The following KDM2B variants were observed in gnomAD, a reference collection of about 807,000 sequenced individuals.
KDM2B encodes lysine demethylase 2B.
In KDM2B, 26 loss-of-function variants were observed where a neutral mutation model predicts 150.0. The observed-to-expected ratio is 0.17, with a 90% CI of 0.13 to 0.24. The LOEUF is 0.24. Among genes scored for constraint, KDM2B ranks in the 10% least tolerant of loss-of-function variants. KDM2B has a pLI of 1.00. For synonymous variants in KDM2B, 734 were observed against 729.5 expected (o/e 1.01, Z -0.10); for missense variants, 1,265 against 1,816.9 (o/e 0.70, Z 5.52).
chr12:121,454,953 T>C (rs1555292437), intron 12 of KDM2B, among the ~76,000 whole-genome samples: 3 of 152,114 alleles, frequency 2.0e-5, no homozygotes, highest in African/African-American at 7.2e-5. Flanking sequence ...TCCAACTGCA[T>C]AGGAAGAAAA....
At chr12:121,415,632 TTAAA>T in the KDM2B span, among the ~76,000 whole-genome samples, 96 of 152,104 alleles carry the variant, frequency 6.3e-4, no homozygotes, top group Middle Eastern at 0.017. Context: ...TAAATTTATT[TTAAA>T]TAAATAAATA....
At chr12:121,479,560 C>A (rs1409996625) in intron 12 of KDM2B, among the ~76,000 whole-genome samples, 2 of 151,820 alleles carry the variant, frequency 1.3e-5, no homozygotes, top group Non-Finnish European at 2.9e-5. Context: ...CCCAGAAGTT[C>A]GAGGCTGCAG....
intron 4 of KDM2B, among the ~76,000 whole-genome samples, chr12:121,560,584 T>G (rs1200109973): frequency 1.3e-5 from 2 of 151,596 alleles, no homozygotes; most frequent in Admixed American, 1.3e-4. Flanking sequence ...GCACTGAGTT[T>G]CAGTTCCTGA....
chr12:121,524,662 G>C (rs1555306473), intron 8 of KDM2B: 1 of 450,902 alleles, frequency 2.2e-6, no homozygotes, highest in African/African-American at 2.0e-5. Flanking sequence ...AGCGTTTGTG[G>C]GCCCCATCCA....
intron 8 of KDM2B, among the ~76,000 whole-genome samples, chr12:121,529,263 A>C (rs1887424312): frequency 6.6e-6 from 1 of 152,196 alleles, no homozygotes; most frequent in South Asian, 2.1e-4. Flanking sequence ...CAGAAAAAGC[A>C]TTTGACAAAA....
Position 121,476,722 on chromosome 12 carries a change from C to T in KDM2B, c.1734+17857G>A, listed in dbSNP as rs541225527. Among the ~76,000 whole-genome samples, 23 of 152,242 alleles carry T rather than the reference C, an allele frequency of 1.5e-4. No homozygotes were observed. The South Asian group carries it at 4.6e-3, about 30-fold the overall frequency. On this transcript the variant is annotated intron_variant, in intron 12 of 22. Transcript: ENST00000377071. ...AATACATATGGCTTTTCTCTCCCTC[C>T]TTCCTTCCCTCCCTCCTCCCTTTCC...
In KDM2B at chr12:121,557,300, C is replaced by T. The variant is rs142977351; in HGVS notation, c.398-7662G>A. Among the ~76,000 whole-genome samples, 1,164 of 137,452 alleles carry T rather than the reference C, an allele frequency of 8.5e-3. 15 individuals carry two copies. The highest frequency in any genetic ancestry group is 0.03 in the African/African-American group (1,081 of 36,294). 90.2% of individuals were successfully genotyped at this position (137,452 alleles called of 152,430 possible). A position where few individuals can be genotyped will look rare whatever the true frequency, so the allele number is the denominator to read the frequency against. ...TTCCCCAGGATGGAGTTCAGTGGTA[C>T]AATCTCAGCTCATTGCAACCTCTGC... On this transcript the variant is annotated intron_variant, in intron 4 of 22. Coordinates refer to ENST00000377071, the MANE Select transcript of KDM2B (RefSeq NM_032590.5).
At chr12:121,440,421 T>G (rs1593735848) in intron 21 of KDM2B, 2 of 402,336 alleles carry the variant, frequency 5.0e-6, no homozygotes, top group Admixed American at 3.9e-5. Context: ...CAGGGGGAGG[T>G]GCCATCCTGG....
chr12:121,500,750 T>C (rs1884461309), intron 11 of KDM2B, among the ~76,000 whole-genome samples: 1 of 152,124 alleles, frequency 6.6e-6, no homozygotes. Context: ...CCTCCCTCCA[T>C]CCCAGCCCCA....
the KDM2B span, among the ~76,000 whole-genome samples, chr12:121,412,015 C>G: frequency 6.6e-6 from 1 of 152,168 alleles, no homozygotes; most frequent in Non-Finnish European, 1.5e-5. Flanking sequence ...AGTGCATACT[C>G]TAAAGAACTG....
At chr12:121,516,594 C>A in intron 9 of KDM2B, 1 of 1,250,870 alleles carries the variant, frequency 8.0e-7, no homozygotes. Flanking sequence ...TTGAGTTAAC[C>A]AACGTCAGTC....
chr12:121,490,097 C>G (rs1555299636), intron 12 of KDM2B, among the ~76,000 whole-genome samples: 2 of 152,204 alleles, frequency 1.3e-5, no homozygotes, highest in Admixed American at 1.3e-4. Flanking sequence ...GGCTGTGTGT[C>G]ACTCCGGAGG....
At chr12:121,420,824 C>A in the KDM2B span, 1 of 1,423,922 alleles carries the variant, frequency 7.0e-7, no homozygotes, top group Non-Finnish European at 9.9e-7. Flanking sequence ...TTTCCTTAGG[C>A]TTTTAAAAAC....
intron 4 of KDM2B, among the ~76,000 whole-genome samples, chr12:121,558,203 G>A (rs1015916050): frequency 6.6e-6 from 1 of 152,164 alleles, no homozygotes; most frequent in Non-Finnish European, 1.5e-5. Flanking sequence ...ACTCTTTGTC[G>A]CATGAGGAAT....
chr12:121,475,331 G>A (rs1372167284), intron 12 of KDM2B, among the ~76,000 whole-genome samples: 6 of 151,946 alleles, frequency 3.9e-5, no homozygotes, highest in African/African-American at 1.5e-4. Context: ...GCTCATACCC[G>A]TAATGCCAAC....
Position 121,430,186 on chromosome 12 carries a change from TG to T in KDM2B, c.*101del, listed in dbSNP as rs1555285127. The T allele has an allele frequency of 6.2e-7, 1 of 1,614,218 alleles. No homozygotes were observed. The highest frequency in any genetic ancestry group is 1.1e-5 in the South Asian group (1 of 91,086). On this transcript the variant is annotated 3_prime_UTR_variant, in exon 23 of 23. Transcript: ENST00000377071. The surrounding 1 kb of genome is among the most constrained non-coding windows in gnomAD (Gnocchi z 4.4). ...AGACTTGCAAAATGGAATTGCGTTG[TG>T]GTCTGTTGTCCCACGTTCCAAATGG...
chr12:121,497,836 G>A (rs904424644), intron 11 of KDM2B, among the ~76,000 whole-genome samples: 6 of 151,444 alleles, frequency 4.0e-5, no homozygotes, highest in African/African-American at 7.3e-5. Context: ...GGTGGCTCAC[G>A]CCTGTAATCC....
chr12:121,494,557 C>CT, intron 12 of KDM2B, 22 bp downstream of exon 12: 4 of 1,603,170 alleles, frequency 2.5e-6, no homozygotes, highest in Non-Finnish European at 3.4e-6. Flanking sequence ...CGGCCGCCCG[C>CT]TGCAGGCAGG....
chr12:121,443,426 C>T (rs1875539138), intron 17 of KDM2B: 2 of 586,340 alleles, frequency 3.4e-6, no homozygotes, highest in East Asian at 5.8e-5. Context: ...CAGCACGGCC[C>T]GTGGGTGGAG....
Sources: allele counts gnomAD v4.1 joint callset (sites outside exome capture counted in the v4.1 genomes callset), GRCh38; gene constraint gnomAD v4.1.1; non-coding constraint Gnocchi (gnomAD v3.1); transcripts MANE v1.5; gene names NCBI Gene and HGNC (gene_info 2026-07-23, HGNC 2026-07-21).